The following HEPH variants were observed in gnomAD, a reference collection of about 807,000 sequenced individuals.
The protein encoded by HEPH is hephaestin.
HEPH carries 69 observed loss-of-function variants against 80.8 expected under a neutral mutation model. The ratio of observed to expected loss-of-function variants is 0.85; its 90% CI spans 0.70 to 1.04. HEPH has a LOEUF of 1.04. HEPH is among the 50% of genes least tolerant of loss of function. The pLI is 0.00. For synonymous variants in HEPH, 431 were observed against 322.8 expected (o/e 1.34, Z -3.60); for missense variants, 1,115 against 891.3 (o/e 1.25, Z -3.20).
chrX:66,193,441 G>A, intron 7 of HEPH, 61 bp from the exon 8 acceptor site: 1 of 791,722 alleles, frequency 1.3e-6, no homozygotes, highest in Admixed American at 3.1e-5. Context: ...GACTAAGGGT[G>A]AGATGGGAGT....
In HEPH at chrX:66,170,129, C is replaced by T. The variant is rs909225470; in HGVS notation, c.-13-429C>T. On this transcript the variant is annotated intron_variant, in intron 1 of 20. Transcript: ENST00000343002. ...GTAAATTCTCACTTGTTGTTAAGTA[C>T]AATTTATAGAGGATAGGAAGTGGCA... The T allele has an allele frequency of 2.6e-5, 3 of 113,333 alleles. No homozygotes were observed. In the Admixed American group the frequency reaches 2.8e-4, roughly 11 times the overall value. 9.3% of individuals were successfully genotyped at this position (113,333 alleles called of 1,213,427 possible). A position where few individuals can be genotyped will look rare whatever the true frequency, so the allele number is the denominator to read the frequency against.
chrX:66,213,850 G>T (rs776360663), intron 15 of HEPH, among the ~76,000 whole-genome samples: 2 of 112,286 alleles, frequency 1.8e-5, no homozygotes, highest in Admixed American at 9.4e-5. Context: ...ATAGCAATGG[G>T]AATACAGATA....
Position 66,258,997 on chromosome X carries a change from C to G in HEPH, c.3036+18C>G. 1 of 1,191,316 alleles carries G rather than the reference C, an allele frequency of 8.4e-7. No individual in the cohort carries two copies. The highest frequency in any genetic ancestry group is 3.0e-5 in the East Asian group (1 of 33,414). ...TCTATCGGGTGAGCTGGAAAATGGG[C>G]TGAGTCCCTCAAGGATGATTAGAAC... On this transcript the variant is annotated intron_variant, in intron 18 of 20. Transcript: ENST00000343002.
At chrX:66,203,786 CCTT>C (rs1226108318) in intron 13 of HEPH, among the ~76,000 whole-genome samples, 1 of 111,085 alleles carries the variant, frequency 9.0e-6, no homozygotes, top group Non-Finnish European at 1.9e-5. Context: ...CTTGCCCACA[CCTT>C]CACCCTCTTA....
chrX:66,191,274 A>C lies in HEPH; in HGVS notation c.1064-856A>C, dbSNP rs149441954. Among the ~76,000 whole-genome samples the C allele has an allele frequency of 7.4e-3, 834 of 112,025 alleles. 10 individuals carry two copies. The highest frequency in any genetic ancestry group is 0.025 in the African/African-American group (757 of 30,786). On this transcript the variant is annotated intron_variant, in intron 6 of 20. Coordinates refer to ENST00000343002, the MANE Select transcript of HEPH (RefSeq NM_001367233.3). ...GGGACATTAAAAGTCTATTTCATAC[A>C]ATGGTTGTAAGGATTGATAGAGATA...
Position 66,208,114 on chromosome X carries a change from G to T in HEPH, c.2432-1G>T. 8.5e-7 allele frequency: 1 copy of T among 1,176,265 alleles called. No individual in the cohort carries two copies. On this transcript the variant is annotated splice_acceptor_variant, in intron 14 of 20. Transcript: ENST00000343002. LOFTEE classifies it high-confidence loss of function. Reference sequence around the variant, plus strand: ...TATTTAATTATTTTTGTTTACATTAGGTCCACTTATCAAAGGTGAAGTTGG... The same window carrying T: ...TATTTAATTATTTTTGTTTACATTATGTCCACTTATCAAAGGTGAAGTTGG...
At chrX:66,206,884 G>A (rs2088809964) in intron 13 of HEPH, among the ~76,000 whole-genome samples, 1 of 109,916 alleles carries the variant, frequency 9.1e-6, no homozygotes, top group African/African-American at 3.3e-5. Context: ...GGGCGTGGTG[G>A]CGCATGCCTG....
chrX:66,192,748 G>A (rs1569311327), intron 7 of HEPH, among the ~76,000 whole-genome samples: 1 of 111,868 alleles, frequency 8.9e-6, no homozygotes, highest in Non-Finnish European at 1.9e-5. Context: ...TGTAGGAAGA[G>A]AGGCAGCCTG....
rs144304096 is a variant in HEPH, at chrX:66,189,746, G to A, written c.871G>A (p.Ala291Thr). Reference sequence around the variant, plus strand: ...GAACATGTGTGCACAGAAACGTGTGGCCTGGCACTTGTTTGGCATGGGCAA... The same window carrying A: ...GAACATGTGTGCACAGAAACGTGTGACCTGGCACTTGTTTGGCATGGGCAA... The part of the protein sequence containing the change: ...ELNMCAQKRV[A>T]WHLFGMGNEI... Residue 291 changes from alanine to threonine, a missense_variant, in exon 6 of 21, where the codon GCC (alanine) becomes ACC (threonine). Ala to Thr is a moderately conservative substitution (Grantham distance 58). Around this residue, in one of 3 missense-constraint regions of HEPH, gnomAD observed 391 missense variants for 343.6 expected, o/e 1.14. Coordinates refer to ENST00000343002, the MANE Select transcript of HEPH (RefSeq NM_001367233.3). The A allele has an allele frequency of 2.2e-4, 269 of 1,208,802 alleles. No homozygotes were observed. In the African/African-American group the frequency reaches 4.5e-3, roughly 20 times the overall value.
intron 15 of HEPH, among the ~76,000 whole-genome samples, chrX:66,220,694 G>A (rs1468985077): frequency 3.6e-5 from 4 of 111,223 alleles, no homozygotes; most frequent in African/African-American, 6.6e-5. Context: ...AACAGCACAG[G>A]CATCAAACTT....
chrX:66,198,402 T>C (rs1186790411), intron 10 of HEPH, among the ~76,000 whole-genome samples: 1 of 112,288 alleles, frequency 8.9e-6, no homozygotes, highest in African/African-American at 3.2e-5. Flanking sequence ...CTGTGAAGAT[T>C]AATTAAAATA....
chrX:66,251,309 A>T (rs1356964328), intron 15 of HEPH, among the ~76,000 whole-genome samples: 1 of 112,209 alleles, frequency 8.9e-6, no homozygotes, highest in Non-Finnish European at 1.9e-5. Context: ...ACCATTTTAC[A>T]TTCCCATCAG....
intron 7 of HEPH, 122 bp from the exon 8 acceptor site, chrX:66,193,380 T>A (rs2087914435): frequency 2.5e-6 from 1 of 402,139 alleles, no homozygotes; most frequent in Non-Finnish European, 4.2e-6. Flanking sequence ...GGGAGTTAAC[T>A]TAGATGAGCT....
intron 15 of HEPH, among the ~76,000 whole-genome samples, chrX:66,245,879 G>A (rs2090785653): frequency 8.9e-6 from 1 of 112,383 alleles, no homozygotes; most frequent in Non-Finnish European, 1.9e-5. Flanking sequence ...TTTGATTCTA[G>A]TCTACTCCTT....
intron 15 of HEPH, among the ~76,000 whole-genome samples, chrX:66,234,028 A>G (rs1416251552): frequency 9.0e-6 from 1 of 110,998 alleles, no homozygotes; most frequent in Admixed American, 9.6e-5. Flanking sequence ...CCTAGTACCC[A>G]ATAGTTATTT....
chrX:66,162,776 C>T (rs1275775058), upstream of HEPH: 16 of 1,152,845 alleles, frequency 1.4e-5, no homozygotes, highest in African/African-American at 1.8e-5. Context: ...TGTTCTCTTC[C>T]CTGGACCCTG....
intron 15 of HEPH, among the ~76,000 whole-genome samples, chrX:66,245,851 G>A (rs1050298125): frequency 1.8e-5 from 2 of 112,246 alleles, no homozygotes; most frequent in Admixed American, 1.9e-4. Flanking sequence ...CAACTACATG[G>A]AAACTGAGTA....
intron 4 of HEPH, among the ~76,000 whole-genome samples, chrX:66,187,691 G>C (rs999415771): frequency 1.6e-4 from 18 of 111,077 alleles, no homozygotes; most frequent in Non-Finnish European, 3.2e-4. Flanking sequence ...CAGAGGGTCT[G>C]TGGGTCCTCT....
chrX:66,252,575 C>T (rs933071871), intron 15 of HEPH, among the ~76,000 whole-genome samples: 2 of 111,503 alleles, frequency 1.8e-5, no homozygotes, highest in Admixed American at 1.9e-4. Context: ...ATTAGGGAGC[C>T]ATTACAGGCC....
Sources: gnomAD v4.1 joint callset for allele counts (sites outside exome capture counted in the v4.1 genomes callset) on GRCh38, gnomAD v4.1.1 for gene constraint, gnomAD v4.1.1 regional missense constraint, MANE v1.5 for transcripts, NCBI Gene and HGNC (gene_info 2026-07-23, HGNC 2026-07-21) for gene names.